MEP1A: variants seen among roughly 807,000 people sequenced by gnomAD.
MEP1A encodes the protein N-benzoyl-L-tyrosyl-P-amino-benzoic acid hydrolase subunit alpha.
MEP1A carries 68 observed loss-of-function variants against 84.5 expected under a neutral mutation model. The ratio of observed to expected loss-of-function variants is 0.80; its 90% CI spans 0.66 to 0.98. The LOEUF is 0.98. Among genes scored for constraint, MEP1A ranks in the 50% least tolerant of loss-of-function variants. MEP1A has a pLI of 0.00. For missense variants in MEP1A, 887 were observed against 919.9 expected (o/e 0.96, Z 0.46); for synonymous variants, 337 against 336.8 (o/e 1.00, Z -0.01).
intron 5 of MEP1A, among the ~76,000 whole-genome samples, chr6:46,801,682 T>C (rs1283885413): frequency 5.3e-5 from 8 of 152,108 alleles, no homozygotes; most frequent in African/African-American, 9.7e-5. Flanking sequence ...CTAAGAAATA[T>C]GTGCTTAAAC....
chr6:46,794,256 TTC>T (rs1362014066), intron 3 of MEP1A, among the ~76,000 whole-genome samples: 2 of 152,250 alleles, frequency 1.3e-5, no homozygotes, highest in Non-Finnish European at 2.9e-5. Context: ...CATCTCTGTT[TTC>T]TCTCTGTTGT....
intron 9 of MEP1A, 22 bp downstream of exon 9, chr6:46,826,525 A>G (rs1767950691): frequency 6.7e-7 from 1 of 1,483,956 alleles, no homozygotes; most frequent in Non-Finnish European, 9.0e-7. Context: ...TGGAAAGCAA[A>G]CACATTGATG....
At chr6:46,807,770 GGAAAGAAAGAAAGAAAGAAAGAAA>G (rs545795578) in intron 5 of MEP1A, among the ~76,000 whole-genome samples, 86 of 97,314 alleles carry the variant, frequency 8.8e-4, no homozygotes, top group East Asian at 5.2e-3. Flanking sequence ...AAGGGAGAAA[GGAAAGAAAGAAAGAAAGAAAGAAA>G]GAAAGAAAGA....
At chr6:46,804,866 C>G (rs890185183) in intron 5 of MEP1A, among the ~76,000 whole-genome samples, 1 of 151,502 alleles carries the variant, frequency 6.6e-6, no homozygotes, top group African/African-American at 2.4e-5. Context: ...AGGTGCTATT[C>G]TATTTTTTCT....
At position 46,799,123 on chromosome 6, in the gene MEP1A, G is replaced by A. The variant is rs1442781075; in HGVS notation, c.204G>A (p.Leu68=). ...TTTCACAGAAATCCAGAAATGGCCTGAGAGACCCAAACACCAGGTGGACGT... is the reference window on the plus strand; with the variant it reads ...TTTCACAGAAATCCAGAAATGGCCTAAGAGACCCAAACACCAGGTGGACGT... The part of the protein sequence containing the change: ...DILLQKSRNG[L]RDPNTRWTFP... Residue 68 remains leucine (L), a synonymous_variant, in exon 5 of 14, where the codon CTG becomes CTA. Coordinates refer to ENST00000230588, the MANE Select transcript of MEP1A (RefSeq NM_005588.3). The A allele has an allele frequency of 3.1e-6, 5 of 1,612,824 alleles. No homozygotes were observed. In the African/African-American group the frequency reaches 5.3e-5, roughly 17 times the overall value.
chr6:46,825,714 A>G (rs112830529), intron 8 of MEP1A, among the ~76,000 whole-genome samples: 7 of 152,314 alleles, frequency 4.6e-5, no homozygotes, highest in African/African-American at 1.7e-4. Context: ...GTAGTTAAAA[A>G]CAAAAAACAA....
At chr6:46,837,714 A>C (rs1768244857) in intron 13 of MEP1A, among the ~76,000 whole-genome samples, 1 of 152,190 alleles carries the variant, frequency 6.6e-6, no homozygotes, top group Admixed American at 6.5e-5. Context: ...TGGCAGAATA[A>C]GTTTTTCTAA....
downstream of MEP1A, among the ~76,000 whole-genome samples, chr6:46,844,397 G>A (rs1234074717): frequency 1.3e-5 from 2 of 152,058 alleles, no homozygotes; most frequent in Non-Finnish European, 2.9e-5. Context: ...GTAAAGACAA[G>A]ACCCATCTCT....
intron 3 of MEP1A, among the ~76,000 whole-genome samples, chr6:46,797,844 C>CTCTCTT (rs1767090538): frequency 2.0e-5 from 2 of 101,290 alleles, no homozygotes; most frequent in East Asian, 3.2e-4. Flanking sequence ...CTTTCTCTCT[C>CTCTCTT]TCTTTCTTTC....
intron 13 of MEP1A, 72 bp from the exon 14 acceptor site, chr6:46,838,908 G>C: frequency 7.5e-7 from 1 of 1,325,172 alleles, no homozygotes. Context: ...TATTGCTGTG[G>C]AGATGAGTGT....
At chr6:46,825,143 A>G (rs370212783) in intron 7 of MEP1A, 129 bp from the exon 8 acceptor site, 79 of 234,816 alleles carry the variant, frequency 3.4e-4, no homozygotes, top group African/African-American at 6.3e-4. Context: ...TATTTAAATA[A>G]ATCTATTTAA....
intron 6 of MEP1A, among the ~76,000 whole-genome samples, chr6:46,818,701 T>TCTGTG (rs1284716341): frequency 6.6e-6 from 1 of 152,228 alleles, no homozygotes; most frequent in African/African-American, 2.4e-5. Context: ...GGCAGCCTTC[T>TCTGTG]CTGTGCTGTC....
intron 5 of MEP1A, among the ~76,000 whole-genome samples, chr6:46,803,593 A>G (rs1417943223): frequency 6.6e-6 from 1 of 151,230 alleles, no homozygotes; most frequent in Non-Finnish European, 1.5e-5. Context: ...GCTTTCTGTT[A>G]CCTTTATTAT....
chr6:46,808,994 T>C (rs2150744740), intron 5 of MEP1A, among the ~76,000 whole-genome samples: 1 of 152,148 alleles, frequency 6.6e-6, no homozygotes, highest in South Asian at 2.1e-4. Context: ...TCTAAGGTAC[T>C]TTATCTATGT....
intron 5 of MEP1A, among the ~76,000 whole-genome samples, chr6:46,802,610 T>C (rs2150741343): frequency 6.6e-6 from 1 of 152,016 alleles, no homozygotes; most frequent in South Asian, 2.1e-4. Context: ...ATTACCATGT[T>C]GAATAGAAGT....
intron 6 of MEP1A, among the ~76,000 whole-genome samples, chr6:46,813,014 T>C (rs1307347878): frequency 6.6e-6 from 1 of 152,114 alleles, no homozygotes; most frequent in Non-Finnish European, 1.5e-5. Context: ...AGTCCATTGT[T>C]TCTTTGTTGA....
chr6:46,811,599 A>G (rs1027679885), intron 6 of MEP1A, among the ~76,000 whole-genome samples: 1 of 151,794 alleles, frequency 6.6e-6, no homozygotes, highest in Non-Finnish European at 1.5e-5. Context: ...TATAAAGTTG[A>G]CTGTGGATTT....
At chr6:46,803,986 A>G (rs1279676319) in intron 5 of MEP1A, among the ~76,000 whole-genome samples, 1 of 151,680 alleles carries the variant, frequency 6.6e-6, no homozygotes, top group South Asian at 2.1e-4. Context: ...TATATTTTCC[A>G]TCTACATGCT....
In MEP1A at chr6:46,793,575, T is replaced by C. The variant is rs1766979046; in HGVS notation, c.93T>C (p.Asn31=). The change falls in exon 2 of 14, where the codon AAT becomes AAC. Residue 31 remains asparagine, a splice_region_variant and synonymous_variant. Coordinates refer to ENST00000230588, the MANE Select transcript of MEP1A (RefSeq NM_005588.3). ...AGATTAAGTATCTTCCTGAAGAAAA[T>C]GGTAAGAATTAGTTCAAATGCACAG... ...AVPIKYLPEE[N]VHDADFGEQK... The C allele has an allele frequency of 3.2e-6, 5 of 1,549,482 alleles. No homozygotes were observed. In the East Asian group the frequency reaches 6.8e-5, roughly 21 times the overall value.
Sources: gnomAD v4.1 joint callset for allele counts (sites outside exome capture counted in the v4.1 genomes callset) on GRCh38, gnomAD v4.1.1 for gene constraint, MANE v1.5 for transcripts, NCBI Gene and HGNC (gene_info 2026-07-23, HGNC 2026-07-21) for gene names.